Variants in PARD3B observed in about 807,000 individuals in gnomAD.
PARD3B encodes the protein par-3 family cell polarity regulator beta.
A neutral mutation model predicts 130.2 loss-of-function variants in PARD3B; 103 were observed. That is an observed-to-expected ratio of 0.79 (90% CI 0.67 to 0.93). The LOEUF (loss-of-function observed/expected upper bound fraction) is 0.93, where lower values mean the gene tolerates loss of function less well. PARD3B is among the 40% of genes least tolerant of loss of function. PARD3B has a pLI of 0.00. For synonymous variants in PARD3B, 583 were observed against 553.2 expected (o/e 1.05, Z -0.76); for missense variants, 1,609 against 1,499.2 (o/e 1.07, Z -1.21).
At position 205,568,741 on chromosome 2, in the gene PARD3B, C is replaced by T. The variant is rs2053453013; in HGVS notation, c.3260+15338C>T. On this transcript the variant is annotated intron_variant, in intron 22 of 22. Coordinates refer to ENST00000406610, the MANE Select transcript of PARD3B (RefSeq NM_001302769.2). This position sits in a 1 kb window ranked among gnomAD's most constrained non-coding sequence, Gnocchi z 5.3. Reference sequence around the variant, plus strand: ...AAACTCAGGGATTCGTCAGATGGCCCTGGTCGTGTGTCTTCCATGGTCTCC... The same window carrying T: ...AAACTCAGGGATTCGTCAGATGGCCTTGGTCGTGTGTCTTCCATGGTCTCC... Among the ~76,000 whole-genome samples, 2 of 152,172 alleles carry T rather than the reference C, an allele frequency of 1.3e-5. No individual in the cohort carries two copies. Among genetic ancestry groups the T allele is most frequent in the African/African-American group, 2.4e-5 (1 of 41,430 alleles).
At chr2:204,784,199 A>C (rs1040953102) in intron 2 of PARD3B, among the ~76,000 whole-genome samples, 6 of 152,136 alleles carry the variant, frequency 3.9e-5, no homozygotes, top group Non-Finnish European at 7.4e-5. Context: ...GGGAAGGCTT[A>C]CCTTTTGCTT....
intron 22 of PARD3B, among the ~76,000 whole-genome samples, chr2:205,586,537 A>G (rs1450814330): frequency 6.6e-6 from 1 of 152,138 alleles, no homozygotes; most frequent in African/African-American, 2.4e-5. Flanking sequence ...TTATTTTAGA[A>G]AGGCAGTGGA....
intron 22 of PARD3B, among the ~76,000 whole-genome samples, chr2:205,586,576 C>T (rs984481622): frequency 1.3e-5 from 2 of 151,962 alleles, no homozygotes; most frequent in Non-Finnish European, 1.5e-5. Context: ...TTTTAGCCAT[C>T]TTTATACATA....
chr2:205,583,573 A>G (rs1290564865), intron 22 of PARD3B, among the ~76,000 whole-genome samples: 1 of 152,086 alleles, frequency 6.6e-6, no homozygotes, highest in Non-Finnish European at 1.5e-5. Context: ...ATGTGTATTC[A>G]CTCATTTAAT....
rs550541202 is a variant in PARD3B at position 205,107,058 on chromosome 2, C to T, written c.593+2544C>T. ...TGGCCCATGCATAGGACTTTGGGCA[C>T]GCATCCACGTAGAAGCTAAGTAAAT... On this transcript the variant is annotated intron_variant, in intron 5 of 22. Transcript: ENST00000406610. 6.6e-5 allele frequency among the ~76,000 whole-genome samples: 10 copies of T among 152,256 alleles called. No homozygotes were observed. The South Asian group carries it at 8.3e-4, about 13-fold the overall frequency.
At chr2:205,140,030 G>A (rs545259674) in intron 10 of PARD3B, among the ~76,000 whole-genome samples, 3 of 152,134 alleles carry the variant, frequency 2.0e-5, no homozygotes, top group East Asian at 1.9e-4. Flanking sequence ...CAAAGATTGC[G>A]TTGCCTCTGC....
intron 2 of PARD3B, among the ~76,000 whole-genome samples, chr2:204,950,971 A>G (rs373634881): frequency 6.6e-6 from 1 of 152,232 alleles, no homozygotes; most frequent in African/African-American, 2.4e-5. Flanking sequence ...TATAAAACCT[A>G]CTAAGGGGAC....
chr2:204,546,966 C>A (rs562875222), intron 1 of PARD3B, among the ~76,000 whole-genome samples: 1 of 152,296 alleles, frequency 6.6e-6, no homozygotes, highest in East Asian at 1.9e-4. Context: ...TAAAGGAAGG[C>A]ATTGAATAAC....
chr2:205,194,965 T>TC (rs1262120870), intron 15 of PARD3B, among the ~76,000 whole-genome samples: 1 of 147,208 alleles, frequency 6.8e-6, no homozygotes, highest in Non-Finnish European at 1.5e-5. Context: ...TTTTTTTTTT[T>TC]TTTTTGTATT....
intron 1 of PARD3B, among the ~76,000 whole-genome samples, chr2:204,617,016 A>G (rs1163953883): frequency 1.3e-5 from 2 of 152,166 alleles, no homozygotes; most frequent in Non-Finnish European, 2.9e-5. Context: ...CTTTTATAAA[A>G]TTTCTCCTTT....
At position 204,967,431 on chromosome 2, in the gene PARD3B, G is replaced by A. The variant is rs775768512; in HGVS notation, c.394+2108G>A. Among the ~76,000 whole-genome samples the A allele has an allele frequency of 1.3e-5, 2 of 152,142 alleles. No individual in the cohort carries two copies. On this transcript the variant is annotated intron_variant, in intron 3 of 22. Transcript: ENST00000406610. The surrounding 1 kb of genome is among the most constrained non-coding windows in gnomAD (Gnocchi z 4.4). Reference sequence around the variant, plus strand: ...TCCAGTCCCTACTGTTGCCAGAGCTGCCTTTCTAAATCACAAATCTGATTA... The same window carrying A: ...TCCAGTCCCTACTGTTGCCAGAGCTACCTTTCTAAATCACAAATCTGATTA...
At chr2:204,865,297 A>G (rs1341086923) in intron 2 of PARD3B, among the ~76,000 whole-genome samples, 3 of 152,362 alleles carry the variant, frequency 2.0e-5, no homozygotes, top group South Asian at 2.1e-4. Flanking sequence ...AGAAGTCATT[A>G]TACAAAAAAG....
At chr2:205,476,787 T>C (rs114087041) in intron 20 of PARD3B, among the ~76,000 whole-genome samples, 173 of 152,328 alleles carry the variant, frequency 1.1e-3, no homozygotes, top group African/African-American at 4.0e-3. Context: ...GTTAATCACT[T>C]ATTAACAGTA....
At chr2:205,044,787 G>C (rs1192128079) in intron 3 of PARD3B, among the ~76,000 whole-genome samples, 2 of 152,074 alleles carry the variant, frequency 1.3e-5, no homozygotes, top group Non-Finnish European at 2.9e-5. Flanking sequence ...CTTTTGCTGT[G>C]CAGAAGCTCT....
chr2:204,745,268 C>T (rs1357872356), intron 2 of PARD3B, among the ~76,000 whole-genome samples: 1 of 152,100 alleles, frequency 6.6e-6, no homozygotes, highest in East Asian at 1.9e-4. Context: ...TTTTGCGGCT[C>T]TTCAATCGGC....
At chr2:204,983,685 C>T (rs1163699875) in intron 3 of PARD3B, among the ~76,000 whole-genome samples, 1 of 152,108 alleles carries the variant, frequency 6.6e-6, no homozygotes, top group Non-Finnish European at 1.5e-5. Context: ...AGATGAAATT[C>T]CCATGTGAAA....
intron 4 of PARD3B, among the ~76,000 whole-genome samples, chr2:205,059,528 T>A (rs1020900174): frequency 6.6e-6 from 1 of 152,032 alleles, no homozygotes; most frequent in Non-Finnish European, 1.5e-5. Context: ...ATCCACACCC[T>A]TTCTGCTCTG....
chr2:205,033,082 G>A (rs922673469), intron 3 of PARD3B, among the ~76,000 whole-genome samples: 3 of 152,108 alleles, frequency 2.0e-5, no homozygotes, highest in Admixed American at 6.6e-5. Flanking sequence ...ACTCACTGGG[G>A]GCTGTGACCT....
At chr2:204,817,917 AC>A (rs928300099) in intron 2 of PARD3B, among the ~76,000 whole-genome samples, 10 of 152,098 alleles carry the variant, frequency 6.6e-5, no homozygotes, top group Non-Finnish European at 1.5e-4. Context: ...GGTGGAAAAA[AC>A]TTTTTTTCAG....
Sources: allele counts gnomAD v4.1 joint callset (sites outside exome capture counted in the v4.1 genomes callset), GRCh38; gene constraint gnomAD v4.1.1; non-coding constraint Gnocchi (gnomAD v3.1); transcripts MANE v1.5; gene names NCBI Gene and HGNC (gene_info 2026-07-23, HGNC 2026-07-21).